The following MSRA variants were observed in gnomAD, a reference collection of about 807,000 sequenced individuals.
MSRA encodes the protein methionine sulfoxide reductase A.
A neutral mutation model predicts 31.3 loss-of-function variants in MSRA; 54 were observed. The observed-to-expected ratio is 1.73, with a 90% confidence interval of 1.39 to 2.17. MSRA has a LOEUF of 2.17. Among genes scored for constraint, MSRA ranks in the 30% most tolerant of loss-of-function variants. The pLI is 0.00. For synonymous variants in MSRA, 169 were observed against 116.5 expected, an observed-to-expected ratio of 1.45 and a Z score of -2.90; for missense variants, 507 against 300.9, an observed-to-expected ratio of 1.69 and a Z score of -5.07.
chr8:10,422,288 C>G (rs150320876), intron 5 of MSRA, among the ~76,000 whole-genome samples: 89 of 152,206 alleles, frequency 5.8e-4, no homozygotes, highest in African/African-American at 2.0e-3. Flanking sequence ...CCTGTCTCAG[C>G]AACAGAAAAG....
intron 1 of MSRA, chr8:10,096,172 T>C: frequency 5.6e-6 from 7 of 1,252,066 alleles, no homozygotes; most frequent in Non-Finnish European, 6.1e-6. Flanking sequence ...TCCATGTGTT[T>C]AAGAAAACGT....
At chr8:10,135,878 A>T (rs916330467) in intron 1 of MSRA, among the ~76,000 whole-genome samples, 1 of 152,204 alleles carries the variant, frequency 6.6e-6, no homozygotes, top group Non-Finnish European at 1.5e-5. Context: ...AGGCATAACG[A>T]ACCATGCAGA....
At chr8:10,224,965 C>T (rs1810865370) in intron 2 of MSRA, among the ~76,000 whole-genome samples, 1 of 152,136 alleles carries the variant, frequency 6.6e-6, no homozygotes. Context: ...ATGGCAAAAC[C>T]CATCTCTACT....
At chr8:10,214,135 G>T (rs977724107) in intron 2 of MSRA, among the ~76,000 whole-genome samples, 1 of 152,154 alleles carries the variant, frequency 6.6e-6, no homozygotes, top group Non-Finnish European at 1.5e-5. Flanking sequence ...AAGCCAAGCC[G>T]AGGACTTAGG....
At chr8:10,205,850 C>G (rs1808917213) in intron 1 of MSRA, among the ~76,000 whole-genome samples, 1 of 152,110 alleles carries the variant, frequency 6.6e-6, no homozygotes, top group Non-Finnish European at 1.5e-5. Context: ...ACCATTATCC[C>G]AAATATTTTC....
intron 1 of MSRA, among the ~76,000 whole-genome samples, chr8:10,115,793 C>T (rs529419585): frequency 1.3e-5 from 2 of 152,218 alleles, no homozygotes; most frequent in East Asian, 1.9e-4. Flanking sequence ...GTATCCCCAG[C>T]ATTAAGAAGA....
At chr8:10,081,406 C>G (rs566232562) in intron 1 of MSRA, among the ~76,000 whole-genome samples, 2 of 152,124 alleles carry the variant, frequency 1.3e-5, no homozygotes, top group East Asian at 3.9e-4. Context: ...GTGTGTGACT[C>G]GGGGAGTTTG....
chr8:10,369,045 T>G (rs1192687775), intron 5 of MSRA, among the ~76,000 whole-genome samples: 1 of 152,172 alleles, frequency 6.6e-6, no homozygotes, highest in African/African-American at 2.4e-5. Context: ...AAAGAATAAG[T>G]GTTAGAATCC....
intron 1 of MSRA, among the ~76,000 whole-genome samples, chr8:10,149,626 G>C (rs190887418): frequency 1.3e-3 from 197 of 152,144 alleles, no homozygotes; most frequent in African/African-American, 4.5e-3. Context: ...GGTTTTCACT[G>C]TATTAATTGT....
chr8:10,218,497 A>C (rs1446836084), intron 2 of MSRA, among the ~76,000 whole-genome samples: 1 of 152,124 alleles, frequency 6.6e-6, no homozygotes, highest in Non-Finnish European at 1.5e-5. Context: ...TCATTGCCTC[A>C]GTCCATTATT....
chr8:10,088,670 A>G (rs1798692704), intron 1 of MSRA, among the ~76,000 whole-genome samples: 2 of 152,140 alleles, frequency 1.3e-5, no homozygotes, highest in African/African-American at 4.8e-5. Context: ...TGGGAGGATG[A>G]GGTTGCAGTG....
chr8:10,244,365 G>A (rs1273278962), intron 2 of MSRA, among the ~76,000 whole-genome samples: 1 of 152,134 alleles, frequency 6.6e-6, no homozygotes, highest in Non-Finnish European at 1.5e-5. Context: ...CTTGGGAGAT[G>A]GGTTGTGATT....
At chr8:10,223,774 A>G (rs1260527370) in intron 2 of MSRA, among the ~76,000 whole-genome samples, 1 of 152,208 alleles carries the variant, frequency 6.6e-6, no homozygotes, top group Non-Finnish European at 1.5e-5. Flanking sequence ...GGTTAAAGGC[A>G]GGGGTCAAAT....
chr8:10,355,949 T>A (rs1320036375), intron 5 of MSRA, among the ~76,000 whole-genome samples: 1 of 151,520 alleles, frequency 6.6e-6, no homozygotes, highest in African/African-American at 2.4e-5. Context: ...GAGCTAGGAT[T>A]GAGGAAGGGG....
At chr8:10,102,726 TAAC>T (rs1179719315) in intron 1 of MSRA, among the ~76,000 whole-genome samples, 5 of 152,230 alleles carry the variant, frequency 3.3e-5, no homozygotes, top group Non-Finnish European at 7.3e-5. Flanking sequence ...CCTTCTGTGT[TAAC>T]AAACCTTCTC....
intron 1 of MSRA, among the ~76,000 whole-genome samples, chr8:10,170,219 C>A (rs919037044): frequency 1.3e-5 from 2 of 151,922 alleles, no homozygotes; most frequent in African/African-American, 4.8e-5. Context: ...CAATGCTTGT[C>A]TCCCTCCAAA....
At chr8:10,335,032 T>C (rs916343186) in intron 5 of MSRA, among the ~76,000 whole-genome samples, 1 of 152,176 alleles carries the variant, frequency 6.6e-6, no homozygotes, top group African/African-American at 2.4e-5. Flanking sequence ...CCCTGCGCCA[T>C]GGCCCCGTGC....
At chr8:10,329,608 A>G (rs1191738915) in intron 5 of MSRA, among the ~76,000 whole-genome samples, 1 of 152,082 alleles carries the variant, frequency 6.6e-6, no homozygotes. Context: ...TGGGGAGACC[A>G]TTTTTCAGAT....
chr8:10,411,920 G>A (rs769198744), intron 5 of MSRA, among the ~76,000 whole-genome samples: 6 of 152,188 alleles, frequency 3.9e-5, no homozygotes, highest in African/African-American at 1.2e-4. Flanking sequence ...TGTGGACACC[G>A]CCCCTGGGAA....
Sources: gnomAD v4.1 joint callset for allele counts (sites outside exome capture counted in the v4.1 genomes callset) on GRCh38, gnomAD v4.1.1 for gene constraint, MANE v1.5 for transcripts, NCBI Gene and HGNC (gene_info 2026-07-23, HGNC 2026-07-21) for gene names.